Variants in NPHP3 observed in about 807,000 individuals in gnomAD.
The protein encoded by NPHP3 is nephrocystin-3.
Under a neutral mutation model 171.9 loss-of-function variants are expected in NPHP3, and 123 were observed. The ratio of observed to expected loss-of-function variants is 0.72; its 90% CI spans 0.62 to 0.83. The LOEUF (loss-of-function observed/expected upper bound fraction) is 0.83, where lower values mean the gene tolerates loss of function less well. NPHP3 is among the 40% of genes least tolerant of loss of function. The probability of loss-of-function intolerance (pLI) is 0.00; values close to 1 mark genes in which losing one functional copy is unlikely to be tolerated. For missense variants in NPHP3, 1,506 were observed against 1,591.9 expected (o/e 0.95, Z 0.92); for synonymous variants, 558 against 579.2 (o/e 0.96, Z 0.52).
In NPHP3 at chr3:132,689,192, TA is replaced by T; in HGVS notation, c.2764del (p.Tyr922ThrfsTer5). The T allele has an allele frequency of 6.2e-7, 1 of 1,614,166 alleles. No individual in the cohort carries two copies. The highest frequency in any genetic ancestry group is 2.2e-5 in the East Asian group (1 of 44,882). On this transcript the variant is annotated frameshift_variant, in exon 20 of 27. Coordinates refer to ENST00000337331, the MANE Select transcript of NPHP3 (RefSeq NM_153240.5). LOFTEE classifies it high-confidence loss of function. The stretch of plus-strand genomic sequence containing the variant: ...CTCATACTGCTTCAATGAATCGAAG[TA>T]TTCTGTTGCCATTGCACTTTTGTCT... ...GKDKSAMATE[Y>X]FDSLKQYEKN...
At chr3:132,710,118 G>A (rs1047502578) in intron 6 of NPHP3, among the ~76,000 whole-genome samples, 3 of 152,180 alleles carry the variant, frequency 2.0e-5, no homozygotes, top group African/African-American at 7.2e-5. Flanking sequence ...AAGTTAGATA[G>A]TATAACAGGC....
intron 9 of NPHP3, among the ~76,000 whole-genome samples, chr3:132,702,897 C>T (rs1186332226): frequency 6.6e-6 from 1 of 152,068 alleles, no homozygotes; most frequent in African/African-American, 2.4e-5. Flanking sequence ...TCCATGCTTC[C>T]CAGGTTAAGA....
chr3:132,691,199 G>A lies in NPHP3; in HGVS notation c.2563C>T (p.Gln855Ter), dbSNP rs201237799. ...RQKLINYFTL[Q>*]LSQDRVTWRS... ...CAGGAACATTTACAATACCTTAGCT[G>A]CAAGGTGAAATAGTTGATTAGCTTT... Residue 855 changes from glutamine (Q) to a stop codon, truncating the protein, a stop_gained, in exon 18 of 27, where the codon CAG (glutamine) becomes TAG (stop). Coordinates refer to ENST00000337331, the MANE Select transcript of NPHP3 (RefSeq NM_153240.5). LOFTEE classifies it high-confidence loss of function. 1.6e-5 allele frequency: 25 copies of A among 1,610,294 alleles called. No individual in the cohort carries two copies. The highest frequency in any genetic ancestry group is 2.1e-5 in the Non-Finnish European group (25 of 1,176,820).
At chr3:132,703,579 C>CTTTTTTTT (rs747062922) in intron 9 of NPHP3, among the ~76,000 whole-genome samples, 3 of 131,016 alleles carry the variant, frequency 2.3e-5, no homozygotes, top group African/African-American at 2.8e-5. Flanking sequence ...TTCTTTCTTT[C>CTTTTTTTT]TTTTTTTTTT....
At chr3:132,701,253 TTCTC>T (rs926605898) in intron 10 of NPHP3, among the ~76,000 whole-genome samples, 173 bp downstream of exon 10, 9 of 152,240 alleles carry the variant, frequency 5.9e-5, no homozygotes, top group Admixed American at 1.3e-4. Flanking sequence ...ATTCTGTGTC[TTCTC>T]TCTAACATCC....
rs1213749947 is a variant in NPHP3 at position 132,699,393 on chromosome 3, T to C, written c.1945A>G (p.Ile649Val). 6.2e-7 allele frequency: 1 copy of C among 1,612,974 alleles called. No individual in the cohort carries two copies. Reference protein sequence around the residue: ...IDPLPVNVRVIVSVNVETCPP... With the variant: ...IDPLPVNVRVVVSVNVETCPP... ...CATGTTTCTACATTCACAGAAACAA[T>C]TACTCTTACATTCACTGGCAGTGGA... is the stretch of plus-strand genomic sequence containing the variant. The change falls in exon 13 of 27, where the codon ATT (isoleucine) becomes GTT (valine). Residue 649 changes from isoleucine (I) to valine (V), a missense_variant. By Grantham distance (29) the Ile-to-Val change is conservative (BLOSUM62 3). Transcript: ENST00000337331.
In NPHP3 at chr3:132,690,584, T is replaced by C. The variant is rs770996807; in HGVS notation, c.2637A>G (p.Lys879=). ...LPWLFQQQGS[K]QKLHDCLLNL... is the part of the protein sequence containing the mutation. ...TAAGAAGGCAATCATGCAGCTTCTG[T>C]TTACTTCCCTGCTGCTGAAAAAGCC... Residue 879 remains lysine (K), a synonymous_variant, in exon 19 of 27, where the codon AAA becomes AAG. Coordinates refer to ENST00000337331, the MANE Select transcript of NPHP3 (RefSeq NM_153240.5). 11 of 1,613,638 alleles carry C rather than the reference T, an allele frequency of 6.8e-6. No homozygotes were observed. The highest frequency in any genetic ancestry group is 9.3e-6 in the Non-Finnish European group (11 of 1,179,574).
intron 7 of NPHP3, among the ~76,000 whole-genome samples, chr3:132,706,337 A>T (rs1440059622): frequency 1.3e-5 from 2 of 151,168 alleles, no homozygotes; most frequent in East Asian, 1.9e-4. Context: ...CCAGCCTGGA[A>T]GACAGAGTAA....
Position 132,721,983 on chromosome 3 carries a change from G to T in NPHP3, c.373C>A (p.Arg125=), listed in dbSNP as rs1483057605. Residue 125 remains arginine, a synonymous_variant, in exon 1 of 27, where the codon CGG becomes AGG. Coordinates refer to ENST00000337331, the MANE Select transcript of NPHP3 (RefSeq NM_153240.5). ...GTTACCTGCAGTTCGGCCCGCAGCCGCTTGTTCTCCGTGTCCAGCTTGGCC... is the reference window on the plus strand; with the variant it reads ...GTTACCTGCAGTTCGGCCCGCAGCCTCTTGTTCTCCGTGTCCAGCTTGGCC... ...REAKLDTENK[R]LRAELQALQK... is the part of the protein sequence containing the mutation. The T allele has an allele frequency of 6.2e-7, 1 of 1,612,992 alleles. No individual in the cohort carries two copies. The highest frequency in any genetic ancestry group is 1.3e-5 in the African/African-American group (1 of 75,034).
At chr3:132,697,149 C>G (rs1465025521) in intron 14 of NPHP3, 111 bp downstream of exon 14, 3 of 797,426 alleles carry the variant, frequency 3.8e-6, no homozygotes, top group Non-Finnish European at 6.5e-6. Flanking sequence ...AATTACTAAA[C>G]TCCAGTTTTC....
intron 1 of NPHP3, chr3:132,721,643 T>C (rs1940221424): frequency 2.0e-6 from 1 of 488,816 alleles, no homozygotes. Context: ...AAACCAGAAA[T>C]AGAAAAGCGG....
intron 22 of NPHP3, 69 bp from the exon 23 acceptor site, chr3:132,686,456 T>C: frequency 1.3e-6 from 2 of 1,591,606 alleles, no homozygotes; most frequent in Non-Finnish European, 1.7e-6. Context: ...AAACAATATA[T>C]GAGGGTCCTA....
chr3:132,713,366 A>G, intron 5 of NPHP3, 80 bp from the exon 6 acceptor site: 3 of 941,820 alleles, frequency 3.2e-6, no homozygotes, highest in South Asian at 1.7e-5. Context: ...TAAAATAAAA[A>G]GCACGCTTTA....
chr3:132,717,752 CTTTTT>C (rs959757847), intron 3 of NPHP3, among the ~76,000 whole-genome samples: 1 of 81,246 alleles, frequency 1.2e-5, no homozygotes, highest in African/African-American at 5.0e-5. Context: ...CATTAAGAAT[CTTTTT>C]TTTTTTTTTT....
rs1939468433 is a variant in NPHP3, at chr3:132,696,907, A to G, written c.2089-94T>C. 7.5e-6 allele frequency: 7 copies of G among 938,380 alleles called. No homozygotes were observed. In the South Asian group the frequency reaches 9.2e-5, roughly 12 times the overall value. The allele number at this position is 938,380 out of a possible 1,614,324, so 58.1% of individuals were successfully genotyped here. A position where few individuals can be genotyped will look rare whatever the true frequency, so the allele number is the denominator to read the frequency against. On this transcript the variant is annotated intron_variant, in intron 14 of 26. Transcript: ENST00000337331. Reference sequence around the variant, plus strand: ...TACCCAGCCATCAACAAGTACCCCGACAGAAATAACACTATTGCTGCCATC... The same window carrying G: ...TACCCAGCCATCAACAAGTACCCCGGCAGAAATAACACTATTGCTGCCATC...
rs959026517 is a variant in NPHP3, at chr3:132,686,514, G to C, written c.3202-127C>G. On this transcript the variant is annotated intron_variant, in intron 22 of 26. Transcript: ENST00000337331. Reference sequence around the variant, plus strand: ...TTAATCTAGATAACTATTATTTTAAGCATCACACTAAATTAACTTGATGAT... The same window carrying C: ...TTAATCTAGATAACTATTATTTTAACCATCACACTAAATTAACTTGATGAT... 29 of 1,006,136 alleles carry C rather than the reference G, an allele frequency of 2.9e-5. No homozygotes were observed. In the African/African-American group the frequency reaches 4.4e-4, roughly 15 times the overall value. 62.3% of individuals were successfully genotyped at this position (1,006,136 alleles called of 1,614,324 possible).
intron 13 of NPHP3, among the ~76,000 whole-genome samples, chr3:132,698,380 C>T (rs891597151): frequency 2.0e-5 from 3 of 152,014 alleles, no homozygotes; most frequent in Non-Finnish European, 4.4e-5. Flanking sequence ...TGGGTTCAAG[C>T]GATTCTTCTG....
Position 132,719,818 on chromosome 3 carries a change from T to C in NPHP3, c.406A>G (p.Thr136Ala). 1 of 1,589,114 alleles carries C rather than the reference T, an allele frequency of 6.3e-7. No individual in the cohort carries two copies. Among genetic ancestry groups the C allele is most frequent in the Non-Finnish European group, 8.6e-7 (1 of 1,164,940 alleles). ...LRAELQALQKTYQKILREKES... is the reference protein window; with the variant it reads ...LRAELQALQKAYQKILREKES... The stretch of plus-strand genomic sequence containing the variant: ...TTTTCTCGAAGTATCTTCTGATACG[T>C]TTTTTGAAGTGCCTAGAATAATTTA... Residue 136 changes from threonine to alanine, a missense_variant, in exon 2 of 27, where the codon ACG (threonine) becomes GCG (alanine). Coordinates refer to ENST00000337331, the MANE Select transcript of NPHP3 (RefSeq NM_153240.5).
chr3:132,701,307 TC>T, intron 10 of NPHP3, 122 bp downstream of exon 10: 1 of 692,818 alleles, frequency 1.4e-6, no homozygotes. Flanking sequence ...ATTGTTTTAT[TC>T]CTTTTTACTT....
Sources: gnomAD v4.1 joint callset for allele counts (sites outside exome capture counted in the v4.1 genomes callset) on GRCh38, gnomAD v4.1.1 for gene constraint, MANE v1.5 for transcripts, NCBI Gene and HGNC (gene_info 2026-07-23, HGNC 2026-07-21) for gene names.